The following GUCA1C variants were observed in gnomAD, a reference collection of about 807,000 sequenced individuals.
GUCA1C encodes the protein guanylyl cyclase-activating protein 3.
GUCA1C carries 15 observed loss-of-function variants against 16.2 expected under a neutral mutation model. That is an observed-to-expected ratio of 0.93 (90% CI 0.62 to 1.43). GUCA1C has a LOEUF of 1.43. GUCA1C is among the 40% of genes most tolerant of loss of function. The probability of loss-of-function intolerance (pLI) is 0.00; values close to 1 mark genes in which losing one functional copy is unlikely to be tolerated. For missense variants in GUCA1C, 275 were observed against 244.8 expected (o/e 1.12, Z -0.82); for synonymous variants, 78 against 85.4 (o/e 0.91, Z 0.48).
At chr3:108,916,874 A>G (rs984729211) in intron 2 of GUCA1C, among the ~76,000 whole-genome samples, 1 of 152,228 alleles carries the variant, frequency 6.6e-6, no homozygotes, top group African/African-American at 2.4e-5. Context: ...ATAAAATGAA[A>G]GAGGATTATT....
chr3:108,929,050 T>C (rs1946645318), intron 1 of GUCA1C, among the ~76,000 whole-genome samples: 1 of 152,232 alleles, frequency 6.6e-6, no homozygotes, highest in East Asian at 1.9e-4. Context: ...TTGACAATAC[T>C]GAGTCTCCCT....
Position 108,916,206 on chromosome 3 carries a change from T to C in GUCA1C, c.363A>G (p.Gln121=), listed in dbSNP as rs1286756723. The change falls in exon 3 of 4, where the codon CAA becomes CAG. Residue 121 remains glutamine, a synonymous_variant. Transcript: ENST00000261047. ...NELLDMFMAV[Q]ALNGQQTLSP... Reference sequence around the variant, plus strand: ...TCAGAGTTTGCTGGCCATTGAGGGCTTGTACCGCCTGCAAAAAGACATTAA... The same window carrying C: ...TCAGAGTTTGCTGGCCATTGAGGGCCTGTACCGCCTGCAAAAAGACATTAA... The C allele has an allele frequency of 6.2e-7, 1 of 1,605,326 alleles. No individual in the cohort carries two copies. Among genetic ancestry groups the C allele is most frequent in the Non-Finnish European group, 8.5e-7 (1 of 1,177,946 alleles).
At chr3:108,953,051 T>C (rs988522085) in intron 1 of GUCA1C, among the ~76,000 whole-genome samples, 1 of 152,150 alleles carries the variant, frequency 6.6e-6, no homozygotes, top group African/African-American at 2.4e-5. Flanking sequence ...ACTAAATTGG[T>C]AAACTATGGG....
chr3:108,948,032 T>G (rs2107318301), intron 1 of GUCA1C, among the ~76,000 whole-genome samples: 1 of 152,316 alleles, frequency 6.6e-6, no homozygotes. Flanking sequence ...GCTTTCTGCA[T>G]ATAGCTGTTG....
chr3:108,945,759 T>C (rs1353691837), intron 1 of GUCA1C, among the ~76,000 whole-genome samples: 1 of 152,212 alleles, frequency 6.6e-6, no homozygotes, highest in Non-Finnish European at 1.5e-5. Context: ...GTGGGGTTTT[T>C]CCTAGTCTTA....
At chr3:108,953,893 C>T, upstream of GUCA1C, 1 of 635,664 alleles carries the variant, frequency 1.6e-6, no homozygotes, top group South Asian at 1.9e-5. Flanking sequence ...CCTCTTACAG[C>T]AACAAGCTAA....
chr3:108,915,259 G>A (rs1054599775), intron 3 of GUCA1C, among the ~76,000 whole-genome samples: 4 of 124,336 alleles, frequency 3.2e-5, no homozygotes, highest in Admixed American at 3.1e-4. Context: ...GCAGGTTGAT[G>A]CCTTTGGAAG....
chr3:108,952,182 G>A (rs1418765607), intron 1 of GUCA1C, among the ~76,000 whole-genome samples: 2 of 152,300 alleles, frequency 1.3e-5, no homozygotes, highest in East Asian at 1.9e-4. Context: ...CACAGAGAAT[G>A]ACAGAGAGAA....
At chr3:108,924,467 T>C (rs962305744) in intron 1 of GUCA1C, among the ~76,000 whole-genome samples, 12 of 152,170 alleles carry the variant, frequency 7.9e-5, no homozygotes, top group African/African-American at 2.9e-4. Context: ...TGTTAAGCCA[T>C]CCCTGCATCC....
In GUCA1C at chr3:108,937,233, C is replaced by T. The variant is rs142826162; in HGVS notation, c.204+16326G>A. Among the ~76,000 whole-genome samples, 3 of 152,282 alleles carry T rather than the reference C, an allele frequency of 2.0e-5. No homozygotes were observed. The East Asian group carries it at 5.8e-4, about 29-fold the overall frequency. On this transcript the variant is annotated intron_variant, in intron 1 of 3. Coordinates refer to ENST00000261047, the MANE Select transcript of GUCA1C (RefSeq NM_005459.4). ...ATTCAGCATCTCTCCACCCACCTGC[C>T]ATCCAGGGGGCCTCGTAGCTGCATT...
chr3:108,918,683 G>A (rs1946542934), intron 2 of GUCA1C, among the ~76,000 whole-genome samples: 1 of 152,068 alleles, frequency 6.6e-6, no homozygotes, highest in Admixed American at 6.6e-5. Flanking sequence ...CCTATACTGT[G>A]GTACTTCCTT....
chr3:108,937,999 G>A (rs748915221), intron 1 of GUCA1C, among the ~76,000 whole-genome samples: 2 of 151,998 alleles, frequency 1.3e-5, no homozygotes, highest in Non-Finnish European at 2.9e-5. Context: ...GAACCCGGGA[G>A]GCGGAGGTTG....
At chr3:108,937,158 C>T (rs16854970) in intron 1 of GUCA1C, among the ~76,000 whole-genome samples, 2,905 of 152,246 alleles carry the variant, frequency 0.019, 83 homozygotes, top group African/African-American at 0.066. Context: ...CCCACACTCT[C>T]GGCCAGGAAT....
chr3:108,915,167 T>C (rs1946495134), intron 3 of GUCA1C, among the ~76,000 whole-genome samples: 1 of 152,058 alleles, frequency 6.6e-6, no homozygotes, highest in African/African-American at 2.4e-5. Context: ...CACATTTTAC[T>C]AGTACAACCT....
chr3:108,941,311 C>A (rs1343316802), intron 1 of GUCA1C, among the ~76,000 whole-genome samples: 1 of 152,172 alleles, frequency 6.6e-6, no homozygotes, highest in African/African-American at 2.4e-5. Flanking sequence ...AAATAACAAC[C>A]TAAGGATTTT....
At chr3:108,918,578 C>T (rs1452143322) in intron 2 of GUCA1C, among the ~76,000 whole-genome samples, 2 of 152,164 alleles carry the variant, frequency 1.3e-5, no homozygotes, top group Non-Finnish European at 2.9e-5. Flanking sequence ...TCCTACTAAA[C>T]AAATGTCCCT....
intron 1 of GUCA1C, among the ~76,000 whole-genome samples, chr3:108,927,432 CTTT>C (rs55930777): frequency 8.9e-4 from 114 of 128,246 alleles, no homozygotes; most frequent in Middle Eastern, 8.4e-3. Flanking sequence ...TTTTTTAATT[CTTT>C]TTTTTTTTTT....
chr3:108,923,628 T>C (rs1004947317), intron 1 of GUCA1C, among the ~76,000 whole-genome samples: 21 of 152,320 alleles, frequency 1.4e-4, no homozygotes, highest in Admixed American at 1.3e-3. Context: ...GATTTAGCTA[T>C]GCAGGCTTTT....
chr3:108,946,289 A>C (rs928083857), intron 1 of GUCA1C, among the ~76,000 whole-genome samples: 1 of 151,808 alleles, frequency 6.6e-6, no homozygotes, highest in Admixed American at 6.6e-5. Context: ...CACTGTGCCC[A>C]GCTACTTTTT....
Sources: gnomAD v4.1 joint callset for allele counts (sites outside exome capture counted in the v4.1 genomes callset) on GRCh38, gnomAD v4.1.1 for gene constraint, MANE v1.5 for transcripts, NCBI Gene and HGNC (gene_info 2026-07-23, HGNC 2026-07-21) for gene names.